SWAP70: variants seen among roughly 807,000 people sequenced by gnomAD.
SWAP70 encodes switch-associated protein 70.
Under a neutral mutation model 80.2 loss-of-function variants are expected in SWAP70, and 34 were observed. The ratio of observed to expected loss-of-function variants is 0.42; its 90% CI spans 0.32 to 0.56. SWAP70 has a LOEUF of 0.56. Among genes scored for constraint, SWAP70 ranks in the 20% least tolerant of loss-of-function variants. The pLI is 0.09. For missense variants in SWAP70, 578 were observed against 690.7 expected (o/e 0.84, Z 1.83); for synonymous variants, 239 against 238.5 (o/e 1.00, Z -0.02).
chr11:9,748,518 G>T (rs1346221613), intron 10 of SWAP70, among the ~76,000 whole-genome samples: 1 of 152,228 alleles, frequency 6.6e-6, no homozygotes, highest in Non-Finnish European at 1.5e-5. Flanking sequence ...TGCCAGCAAA[G>T]CTCACTGGGA....
At chr11:9,711,826 T>A (rs1434007188) in intron 2 of SWAP70, among the ~76,000 whole-genome samples, 1 of 152,166 alleles carries the variant, frequency 6.6e-6, no homozygotes, top group East Asian at 1.9e-4. Context: ...TCCAATAAAT[T>A]CCTTTTGTTT....
chr11:9,684,103 A>T (rs1850601783), intron 1 of SWAP70, among the ~76,000 whole-genome samples: 1 of 151,894 alleles, frequency 6.6e-6, no homozygotes, highest in Non-Finnish European at 1.5e-5. Flanking sequence ...TCTTTTTGAG[A>T]CAGGGTCTTA....
In SWAP70 at chr11:9,749,142, A is replaced by G; in HGVS notation, c.1610A>G (p.Lys537Arg). 6.2e-7 allele frequency: 1 copy of G among 1,613,088 alleles called. No individual in the cohort carries two copies. Among genetic ancestry groups the G allele is most frequent in the Non-Finnish European group, 8.5e-7 (1 of 1,179,356 alleles). ...AATAAGACCAAGAGCTGGAAGGACAAAGTGGCCCATCATGAAGGATTAATT... is the reference window on the plus strand; with the variant it reads ...AATAAGACCAAGAGCTGGAAGGACAGAGTGGCCCATCATGAAGGATTAATT... ...ATNKTKSWKD[K>R]VAHHEGLIRL... The change falls in exon 11 of 12, where the codon AAA (lysine) becomes AGA (arginine). Residue 537 changes from lysine to arginine, a missense_variant. Coordinates refer to ENST00000318950, the MANE Select transcript of SWAP70 (RefSeq NM_015055.4).
intron 3 of SWAP70, among the ~76,000 whole-genome samples, chr11:9,722,523 T>A (rs2133803337): frequency 6.6e-6 from 1 of 152,324 alleles, no homozygotes; most frequent in East Asian, 1.9e-4. Flanking sequence ...GATTCTGATT[T>A]TTGGTCCTTT....
chr11:9,687,966 G>A (rs1420730468), intron 1 of SWAP70, among the ~76,000 whole-genome samples: 1 of 152,172 alleles, frequency 6.6e-6, no homozygotes, highest in Non-Finnish European at 1.5e-5. Context: ...TGACTAGGCA[G>A]AAGAGAAATG....
At chr11:9,696,281 T>A (rs1053345498) in intron 2 of SWAP70, among the ~76,000 whole-genome samples, 1 of 152,184 alleles carries the variant, frequency 6.6e-6, no homozygotes, top group Non-Finnish European at 1.5e-5. Context: ...ACTAAAATTT[T>A]GAATTTGATG....
chr11:9,749,635 C>A (rs1236032166), intron 11 of SWAP70, among the ~76,000 whole-genome samples: 3 of 152,050 alleles, frequency 2.0e-5, no homozygotes, highest in African/African-American at 7.2e-5. Flanking sequence ...GTAAAAAAAC[C>A]AAGCTGTTCA....
chr11:9,680,689 T>A (rs991583953), intron 1 of SWAP70, among the ~76,000 whole-genome samples: 2 of 152,238 alleles, frequency 1.3e-5, no homozygotes, highest in Non-Finnish European at 2.9e-5. Context: ...GTGCTGGGAT[T>A]GCAGGCATTT....
chr11:9,698,779 A>G (rs1041761555), intron 2 of SWAP70, among the ~76,000 whole-genome samples: 21 of 152,042 alleles, frequency 1.4e-4, no homozygotes, highest in Admixed American at 1.1e-3. Flanking sequence ...TCTTTTCTTC[A>G]TATTTATTTT....
At chr11:9,695,698 T>C (rs1384431109) in intron 2 of SWAP70, among the ~76,000 whole-genome samples, 1 of 151,948 alleles carries the variant, frequency 6.6e-6, no homozygotes, top group African/African-American at 2.4e-5. Context: ...CGTACACTTA[T>C]GTAACAAACC....
intron 1 of SWAP70, among the ~76,000 whole-genome samples, chr11:9,675,071 A>C (rs955023548): frequency 1.4e-4 from 22 of 152,248 alleles, no homozygotes; most frequent in Middle Eastern, 3.4e-3. Flanking sequence ...ATTGAGGCAA[A>C]TGGATCACTT....
At chr11:9,749,404 G>A (rs940672739) in intron 11 of SWAP70, among the ~76,000 whole-genome samples, 1 of 151,916 alleles carries the variant, frequency 6.6e-6, no homozygotes, top group Non-Finnish European at 1.5e-5. Flanking sequence ...CCGCCACCAC[G>A]ACCGGCTAAT....
At chr11:9,728,344 C>G in intron 5 of SWAP70, 145 bp downstream of exon 5, 1 of 968,026 alleles carries the variant, frequency 1.0e-6, no homozygotes, top group South Asian at 3.2e-5. Flanking sequence ...CATGCAGTTG[C>G]CATGGTTTCT....
In SWAP70 at chr11:9,749,862, A is replaced by T; in HGVS notation, c.1652-2A>T. 6.3e-7 allele frequency: 1 copy of T among 1,599,182 alleles called. No homozygotes were observed. The highest frequency in any genetic ancestry group is 8.6e-7 in the Non-Finnish European group (1 of 1,166,474). On this transcript the variant is annotated splice_acceptor_variant, in intron 11 of 11. Coordinates refer to ENST00000318950, the MANE Select transcript of SWAP70 (RefSeq NM_015055.4). LOFTEE classifies it high-confidence loss of function. Reference sequence around the variant, plus strand: ...TGTATTTAAAGCATGTTTGCCTCTTAGGTTCAAAGAACCCTCACCTGATCA... The same window carrying T: ...TGTATTTAAAGCATGTTTGCCTCTTTGGTTCAAAGAACCCTCACCTGATCA...
At chr11:9,673,167 C>T (rs1354639338) in intron 1 of SWAP70, among the ~76,000 whole-genome samples, 1 of 152,318 alleles carries the variant, frequency 6.6e-6, no homozygotes, top group East Asian at 1.9e-4. Context: ...GACGGTCCTC[C>T]TCCTTCCTAC....
Position 9,683,456 on chromosome 11 carries a change from G to A in SWAP70, c.100-10690G>A, listed in dbSNP as rs189499628. On this transcript the variant is annotated intron_variant, in intron 1 of 11. Transcript: ENST00000318950. ...AAAGAAAAGAAAAGAAAAGAAAATG[G>A]TATGTCAGGGACCAAAAACGTCTAA... 6.5e-3 allele frequency among the ~76,000 whole-genome samples: 984 copies of A among 151,944 alleles called. 7 individuals carry two copies. Among genetic ancestry groups the A allele is most frequent in the Non-Finnish European group, 0.011 (735 of 67,936 alleles).
chr11:9,672,844 G>T (rs1850436866), intron 1 of SWAP70, among the ~76,000 whole-genome samples: 1 of 152,064 alleles, frequency 6.6e-6, no homozygotes, highest in South Asian at 2.1e-4. Flanking sequence ...AAAGAAAAAT[G>T]ATCCAAGTAA....
chr11:9,734,750 G>A (rs1304566083), intron 7 of SWAP70, among the ~76,000 whole-genome samples: 1 of 152,120 alleles, frequency 6.6e-6, no homozygotes, highest in African/African-American at 2.4e-5. Context: ...AATATCTCAA[G>A]TAGCTGGGAC....
intron 1 of SWAP70, among the ~76,000 whole-genome samples, chr11:9,664,851 G>A (rs1850289772): frequency 6.6e-6 from 1 of 152,178 alleles, no homozygotes; most frequent in Admixed American, 6.5e-5. Context: ...TTTGACTTGG[G>A]AAGACCTTCC....
Sources: allele counts gnomAD v4.1 joint callset (sites outside exome capture counted in the v4.1 genomes callset), GRCh38; gene constraint gnomAD v4.1.1; transcripts MANE v1.5; gene names NCBI Gene and HGNC (gene_info 2026-07-23, HGNC 2026-07-21).